Variants in TMEM143 observed in about 807,000 individuals in gnomAD.
TMEM143 encodes transmembrane protein 143.
TMEM143 carries 45 observed loss-of-function variants against 40.3 expected under a neutral mutation model. That is an observed-to-expected ratio of 1.12 (90% CI 0.88 to 1.43). The LOEUF is 1.43. Ranked by LOEUF, TMEM143 falls within the 40% of genes most tolerant of loss-of-function variation. TMEM143 has a pLI of 0.00. For missense variants in TMEM143, 620 were observed against 613.4 expected (o/e 1.01, Z -0.11); for synonymous variants, 299 against 282.7 (o/e 1.06, Z -0.58).
chr19:48,342,443 C>A lies in TMEM143; in HGVS notation c.975+87G>T, dbSNP rs575430628. 47 of 1,458,628 alleles carry A rather than the reference C, an allele frequency of 3.2e-5. No homozygotes were observed. In the African/African-American group the frequency reaches 3.4e-4, roughly 10 times the overall value. 90.4% of individuals were successfully genotyped at this position (1,458,628 alleles called of 1,614,324 possible). A position where few individuals can be genotyped will look rare whatever the true frequency, so the allele number is the denominator to read the frequency against. On this transcript the variant is annotated intron_variant, in intron 6 of 7. Coordinates refer to ENST00000293261, the MANE Select transcript of TMEM143 (RefSeq NM_018273.4). ...GAGGGAGGAGAGCATGACGCAGGAACAATGCATGAAACAGAGACAACTACA... is the reference window on the plus strand; with the variant it reads ...GAGGGAGGAGAGCATGACGCAGGAAAAATGCATGAAACAGAGACAACTACA...
In TMEM143 at chr19:48,363,488, C is replaced by T. The variant is rs1437387020; in HGVS notation, c.67G>A (p.Val23Ile). Residue 23 changes from valine to isoleucine, a missense_variant, in exon 2 of 8, where the codon GTC becomes ATC. Coordinates refer to ENST00000293261, the MANE Select transcript of TMEM143 (RefSeq NM_018273.4). ...CATACTCGGACCCTGGACCCCCAGA[C>T]CCCCCGGGTCACATGCAGCATGGCT... ...GLAMLHVTRG[V>I]WGSRVRVWPL... is the part of the protein sequence containing the mutation. 3.1e-6 allele frequency: 5 copies of T among 1,613,502 alleles called. No homozygotes were observed. In the African/African-American group the frequency reaches 4.0e-5, roughly 13 times the overall value.
chr19:48,340,276 G>A (rs1292754585), intron 6 of TMEM143, among the ~76,000 whole-genome samples: 1 of 151,582 alleles, frequency 6.6e-6, no homozygotes, highest in Non-Finnish European at 1.5e-5. Flanking sequence ...ACAGGCATGT[G>A]CCACCATGCC....
chr19:48,363,480 C>T lies in TMEM143; in HGVS notation c.75G>A (p.Gly25=). 1 of 1,613,864 alleles carries T rather than the reference C, an allele frequency of 6.2e-7. No individual in the cohort carries two copies. The highest frequency in any genetic ancestry group is 8.5e-7 in the Non-Finnish European group (1 of 1,179,948). ...AMLHVTRGVW[G]SRVRVWPLLP... ...ACAGTGGCCATACTCGGACCCTGGA[C>T]CCCCAGACCCCCCGGGTCACATGCA... The change falls in exon 2 of 8, where the codon GGG becomes GGA. Residue 25 remains glycine (G), a synonymous_variant. Coordinates refer to ENST00000293261, the MANE Select transcript of TMEM143 (RefSeq NM_018273.4).
chr19:48,359,060 T>C (rs1012214451), intron 3 of TMEM143, among the ~76,000 whole-genome samples: 8 of 152,206 alleles, frequency 5.3e-5, no homozygotes, highest in African/African-American at 9.6e-5. Flanking sequence ...TCCCAGCTAC[T>C]CAGGAGGCTG....
At chr19:48,334,459 TTTC>T (rs1370177295) in intron 6 of TMEM143, among the ~76,000 whole-genome samples, 3 of 37,332 alleles carry the variant, frequency 8.0e-5, no homozygotes, top group Admixed American at 2.6e-4. Flanking sequence ...TCTTTCTTTC[TTTC>T]TTTCTTTCTT....
rs182478685 is a variant in TMEM143 at position 48,337,111 on chromosome 19, G to A, written c.976-2914C>T. ...GCCACAAAATGAGCTCAGGGCCACT[G>A]GACCCTGTAGCTGGCAGGCCTGGCT... On this transcript the variant is annotated intron_variant, in intron 6 of 7. Coordinates refer to ENST00000293261, the MANE Select transcript of TMEM143 (RefSeq NM_018273.4). 7.4e-4 allele frequency among the ~76,000 whole-genome samples: 113 copies of A among 152,220 alleles called. 1 individual carries two copies. The highest frequency in any genetic ancestry group is 2.6e-3 in the African/African-American group (108 of 41,534).
At chr19:48,339,178 G>T (rs1470474094) in intron 6 of TMEM143, among the ~76,000 whole-genome samples, 2 of 152,144 alleles carry the variant, frequency 1.3e-5, no homozygotes, top group Admixed American at 1.3e-4. Flanking sequence ...TGAGCAGGGG[G>T]CACAGAGGTG....
chr19:48,352,809 G>GC (rs1432587166), intron 3 of TMEM143, among the ~76,000 whole-genome samples: 4 of 151,836 alleles, frequency 2.6e-5, no homozygotes, highest in African/African-American at 9.7e-5. Flanking sequence ...TGGAGACAGA[G>GC]CCTTACTATG....
intron 3 of TMEM143, among the ~76,000 whole-genome samples, chr19:48,351,611 C>G (rs1969776577): frequency 6.6e-6 from 1 of 152,104 alleles, no homozygotes. Flanking sequence ...CCTCCTCTCT[C>G]TTCCCTGGGT....
At chr19:48,341,740 G>A (rs1446280639) in intron 6 of TMEM143, among the ~76,000 whole-genome samples, 1 of 152,086 alleles carries the variant, frequency 6.6e-6, no homozygotes, top group Non-Finnish European at 1.5e-5. Flanking sequence ...ATCACACAGC[G>A]AGAAGAGAGT....
At position 48,345,289 on chromosome 19, in the gene TMEM143, C is replaced by T. The variant is rs745974798; in HGVS notation, c.435G>A (p.Gln145=). The T allele has an allele frequency of 6.2e-7, 1 of 1,608,676 alleles. No homozygotes were observed. Among genetic ancestry groups the T allele is most frequent in the Non-Finnish European group, 8.5e-7 (1 of 1,177,484 alleles). Residue 145 remains glutamine, a synonymous_variant, in exon 4 of 8, where the codon CAG becomes CAA. Coordinates refer to ENST00000293261, the MANE Select transcript of TMEM143 (RefSeq NM_018273.4). ...TLDQPSLTDP[Q]RLSNEQEVLR... is the part of the protein sequence containing the mutation. Reference sequence around the variant, plus strand: ...GCACCTCCTGCTCATTAGACAGACGCTGGGGATCCGTTAGTGATGGCTGAT... The same window carrying T: ...GCACCTCCTGCTCATTAGACAGACGTTGGGGATCCGTTAGTGATGGCTGAT...
chr19:48,343,362 G>A lies in TMEM143; in HGVS notation c.654C>T (p.Gly218=). The A allele has an allele frequency of 6.2e-7, 1 of 1,609,736 alleles. No individual in the cohort carries two copies. The highest frequency in any genetic ancestry group is 1.9e-4 in the Middle Eastern group (1 of 5,216). ...VGQMPLKSSV[G]SRRGFFTKLP... ...GCTTGGTGAAGAAGCCACGCCTGGAGCCCACGCTGGACTTCAGGGGCATCT... is the reference window on the plus strand; with the variant it reads ...GCTTGGTGAAGAAGCCACGCCTGGAACCCACGCTGGACTTCAGGGGCATCT... The change falls in exon 5 of 8, where the codon GGC becomes GGT. Residue 218 remains glycine, a synonymous_variant. Transcript: ENST00000293261.
chr19:48,335,252 C>G (rs988927886), intron 6 of TMEM143, among the ~76,000 whole-genome samples: 1 of 152,116 alleles, frequency 6.6e-6, no homozygotes, highest in Non-Finnish European at 1.5e-5. Flanking sequence ...TTTGTTTGAA[C>G]TTTTCTATAA....
Position 48,333,425 on chromosome 19 carries a change from T to C in TMEM143, c.1174A>G (p.Arg392Gly), listed in dbSNP as rs748457035. The C allele has an allele frequency of 1.3e-6, 2 of 1,585,402 alleles. No individual in the cohort carries two copies. The highest frequency in any genetic ancestry group is 1.1e-5 in the South Asian group (1 of 88,262). Residue 392 changes from arginine to glycine, a missense_variant, in exon 8 of 8, where the codon AGG (arginine) becomes GGG (glycine). Arg to Gly is a moderately radical substitution (Grantham distance 125, BLOSUM62 -2). Coordinates refer to ENST00000293261, the MANE Select transcript of TMEM143 (RefSeq NM_018273.4). The surrounding 1 kb of genome is among the most constrained non-coding windows in gnomAD (Gnocchi z 4.1). Reference protein sequence around the residue: ...GTQGSPEETSRWLRSEVENWL... With the variant: ...GTQGSPEETSGWLRSEVENWL... ...TTCTCCACCTCCGACCGGAGCCACC[T>C]GGAGGTCTCTGCAAGGGGAGAGGCA...
chr19:48,362,621 G>C (rs1221803031), intron 2 of TMEM143, among the ~76,000 whole-genome samples: 1 of 152,180 alleles, frequency 6.6e-6, no homozygotes, highest in Non-Finnish European at 1.5e-5. Flanking sequence ...AGGTTCTAGA[G>C]TGAGACCAAG....
At chr19:48,339,620 G>A (rs1969444489) in intron 6 of TMEM143, among the ~76,000 whole-genome samples, 2 of 152,168 alleles carry the variant, frequency 1.3e-5, no homozygotes, top group South Asian at 4.1e-4. Context: ...CAGATTAGGG[G>A]ACTAGGGGAG....
intron 3 of TMEM143, among the ~76,000 whole-genome samples, chr19:48,350,147 C>A (rs1969730876): frequency 6.6e-6 from 1 of 151,508 alleles, no homozygotes; most frequent in Admixed American, 6.6e-5. Context: ...ATCACAGGAG[C>A]CCGCTACCAT....
At chr19:48,345,064 C>T in intron 4 of TMEM143, 96 bp downstream of exon 4, 2 of 1,364,940 alleles carry the variant, frequency 1.5e-6, no homozygotes, top group Non-Finnish European at 2.0e-6. Context: ...CAGTCCCAGG[C>T]TCAGGACTAC....
chr19:48,358,058 C>T (rs1969949843), intron 3 of TMEM143, among the ~76,000 whole-genome samples: 1 of 151,972 alleles, frequency 6.6e-6, no homozygotes, highest in Non-Finnish European at 1.5e-5. Context: ...AGCACATGTA[C>T]CCCAAAAACT....
Sources: gnomAD v4.1 joint callset for allele counts (sites outside exome capture counted in the v4.1 genomes callset) on GRCh38, gnomAD v4.1.1 for gene constraint, Gnocchi (gnomAD v3.1) non-coding constraint, MANE v1.5 for transcripts, NCBI Gene and HGNC (gene_info 2026-07-23, HGNC 2026-07-21) for gene names.